Variants in CSGALNACT1 observed in about 807,000 individuals in gnomAD.
The protein encoded by CSGALNACT1 is chondroitin sulfate N-acetylgalactosaminyltransferase 1, also known as beta4GalNAcT-1.
A neutral mutation model predicts 51.0 loss-of-function variants in CSGALNACT1; 52 were observed. The ratio of observed to expected loss-of-function variants is 1.02; its 90% CI spans 0.82 to 1.29. The LOEUF (loss-of-function observed/expected upper bound fraction) is 1.29. CSGALNACT1 is among the 50% of genes most tolerant of loss of function. The pLI is 0.00. For synonymous variants in CSGALNACT1, 341 were observed against 254.4 expected, an observed-to-expected ratio of 1.34 and a Z score of -3.24; for missense variants, 935 against 679.2, an observed-to-expected ratio of 1.38 and a Z score of -4.19.
At chr8:19,547,911 AG>A (rs2086870138) in intron 3 of CSGALNACT1, among the ~76,000 whole-genome samples, 1 of 152,174 alleles carries the variant, frequency 6.6e-6, no homozygotes, top group Non-Finnish European at 1.5e-5. Flanking sequence ...GTGTGTTGCC[AG>A]GGGGTTGGTA....
chr8:19,738,527 C>G (rs7837392), intron 1 of CSGALNACT1, among the ~76,000 whole-genome samples: 113,754 of 152,030 alleles, frequency 0.75, 42,801 homozygotes, highest in Middle Eastern at 0.87. Context: ...AGTTTGGAGA[C>G]ATGAAAAAAG....
At chr8:19,598,479 C>G (rs958491874) in intron 2 of CSGALNACT1, among the ~76,000 whole-genome samples, 6 of 152,196 alleles carry the variant, frequency 3.9e-5, no homozygotes, top group African/African-American at 1.4e-4. Flanking sequence ...CAAACTGTTA[C>G]TTTTCTCTGG....
chr8:19,613,325 G>A (rs2052564988), intron 1 of CSGALNACT1, among the ~76,000 whole-genome samples: 2 of 152,236 alleles, frequency 1.3e-5, no homozygotes, highest in East Asian at 3.9e-4. Context: ...ATTATTCTAT[G>A]ATAAACCAAA....
chr8:19,413,230 A>G (rs1324038942), intron 8 of CSGALNACT1, among the ~76,000 whole-genome samples: 1 of 152,102 alleles, frequency 6.6e-6, no homozygotes, highest in Non-Finnish European at 1.5e-5. Flanking sequence ...GGAACCTATC[A>G]TCTAAAACTA....
At chr8:19,659,339 C>A (rs572580185) in intron 1 of CSGALNACT1, among the ~76,000 whole-genome samples, 1 of 152,340 alleles carries the variant, frequency 6.6e-6, no homozygotes, top group East Asian at 1.9e-4. Flanking sequence ...TTCATCCCAA[C>A]TATGTCAGAT....
intron 5 of CSGALNACT1, among the ~76,000 whole-genome samples, chr8:19,443,546 A>G (rs1476416451): frequency 6.6e-6 from 1 of 152,202 alleles, no homozygotes; most frequent in Non-Finnish European, 1.5e-5. Context: ...CACATCTTAC[A>G]TGGTGGCAGG....
intron 1 of CSGALNACT1, among the ~76,000 whole-genome samples, chr8:19,646,610 A>T (rs2057302042): frequency 6.6e-6 from 1 of 152,158 alleles, no homozygotes; most frequent in African/African-American, 2.4e-5. Context: ...GGATAAGGAA[A>T]CGCCACCTTT....
At chr8:19,455,391 A>C (rs1459563890) in intron 5 of CSGALNACT1, among the ~76,000 whole-genome samples, 1 of 152,240 alleles carries the variant, frequency 6.6e-6, no homozygotes, top group Admixed American at 6.5e-5. Flanking sequence ...GGGGATGGAA[A>C]GGAATTTATA....
chr8:19,711,426 A>G (rs899593429), intron 1 of CSGALNACT1, among the ~76,000 whole-genome samples: 1 of 152,220 alleles, frequency 6.6e-6, no homozygotes, highest in Non-Finnish European at 1.5e-5. Flanking sequence ...GTGATGAAAT[A>G]TAGGAGACCA....
intron 3 of CSGALNACT1, among the ~76,000 whole-genome samples, chr8:19,568,342 CA>C (rs200762557): frequency 1.2e-4 from 19 of 152,076 alleles, no homozygotes; most frequent in Admixed American, 2.6e-4. Context: ...CTAAACATAT[CA>C]AAAAATAGAA....
chr8:19,733,804 C>A (rs954083220), intron 1 of CSGALNACT1, among the ~76,000 whole-genome samples: 28 of 152,136 alleles, frequency 1.8e-4, no homozygotes, highest in Non-Finnish European at 5.9e-5. Flanking sequence ...GTCATTAAGG[C>A]CCTTTTTTTT....
chr8:19,560,550 C>T (rs188889712), intron 3 of CSGALNACT1, among the ~76,000 whole-genome samples: 1 of 152,146 alleles, frequency 6.6e-6, no homozygotes, highest in Admixed American at 6.5e-5. Flanking sequence ...AATAGATACA[C>T]AACACGATGG....
intron 4 of CSGALNACT1, among the ~76,000 whole-genome samples, chr8:19,495,651 C>A (rs970275939): frequency 6.6e-6 from 1 of 152,128 alleles, no homozygotes; most frequent in African/African-American, 2.4e-5. Flanking sequence ...TGCAGAGAAA[C>A]AAAGGAAGCA....
At chr8:19,548,877 G>A (rs948877722) in intron 3 of CSGALNACT1, among the ~76,000 whole-genome samples, 1 of 152,144 alleles carries the variant, frequency 6.6e-6, no homozygotes, top group African/African-American at 2.4e-5. Flanking sequence ...ACAGTAGAGT[G>A]GTGCAGTCAC....
At chr8:19,427,092 G>A (rs936696392) in intron 6 of CSGALNACT1, among the ~76,000 whole-genome samples, 1 of 152,140 alleles carries the variant, frequency 6.6e-6, no homozygotes, top group African/African-American at 2.4e-5. Context: ...TTTCATAGTA[G>A]GCACTTTAAA....
At chr8:19,553,620 C>CATATATATATATATATAT (rs769189103) in intron 3 of CSGALNACT1, among the ~76,000 whole-genome samples, 22 of 71,560 alleles carry the variant, frequency 3.1e-4, no homozygotes, top group African/African-American at 2.0e-3. Context: ...TATATAAATA[C>CATATATATATATATATAT]ATATATATAT....
Position 19,692,556 on chromosome 8 carries a change from C to G in CSGALNACT1, c.-297+65294G>C, listed in dbSNP as rs186945415. 2.8e-3 allele frequency among the ~76,000 whole-genome samples: 426 copies of G among 152,292 alleles called. 3 individuals carry two copies. The highest frequency in any genetic ancestry group is 9.5e-3 in the African/African-American group (394 of 41,558). On this transcript the variant is annotated intron_variant, in intron 1 of 1. Transcript: ENST00000517494. The stretch of plus-strand genomic sequence containing the variant: ...GAGTGACAGGAAGTGGGACAAGGAA[C>G]AGAAGACATCCTCATTCATGGCTAA...
Position 19,453,011 on chromosome 8 carries a change from A to ATTGGCTT in CSGALNACT1, c.851+5414_851+5415insAAGCCAA, listed in dbSNP as rs2063472824. ...AGAGAGCCAAGGAGAATCCACCCAA[A>ATTGGCTT]CTATGTTCGAGCAAACAGAAGGCTG... is the stretch of plus-strand genomic sequence containing the variant. On this transcript the variant is annotated intron_variant, in intron 5 of 9. Coordinates refer to ENST00000454498, the Ensembl canonical transcript of CSGALNACT1. Among the ~76,000 whole-genome samples, 8 of 152,330 alleles carry ATTGGCTT rather than the reference A, an allele frequency of 5.3e-5. No individual in the cohort carries two copies. In the South Asian group the frequency reaches 1.4e-3, roughly 28 times the overall value.
intron 1 of CSGALNACT1, among the ~76,000 whole-genome samples, chr8:19,643,688 A>C (rs565229881): frequency 2.6e-4 from 40 of 152,268 alleles, no homozygotes; most frequent in African/African-American, 7.2e-4. Context: ...GAAAATGTTA[A>C]TACACAGATT....
Sources: allele counts gnomAD v4.1 joint callset (sites outside exome capture counted in the v4.1 genomes callset), GRCh38; gene constraint gnomAD v4.1.1; transcripts MANE v1.5; gene names NCBI Gene and HGNC (gene_info 2026-07-23, HGNC 2026-07-21).